The following KIRREL3 variants were observed in gnomAD, a reference collection of about 807,000 sequenced individuals.
The protein encoded by KIRREL3 is kin of IRRE-like protein 3.
In KIRREL3, 36 loss-of-function variants were observed where a neutral mutation model predicts 89.7. The observed-to-expected ratio is 0.40, with a 90% CI of 0.31 to 0.53. KIRREL3 has a LOEUF of 0.53. Ranked by LOEUF, KIRREL3 falls within the 20% of genes least tolerant of loss-of-function variation. The probability of loss-of-function intolerance (pLI) is 0.49; values close to 1 mark genes in which losing one functional copy is unlikely to be tolerated. For synonymous variants in KIRREL3, 445 were observed against 441.4 expected, an observed-to-expected ratio of 1.01 and a Z score of -0.10; for missense variants, 864 against 1,056.6, an observed-to-expected ratio of 0.82 and a Z score of 2.53.
At position 126,643,096 on chromosome 11, in the gene KIRREL3, G is replaced by T. The variant is rs542876287; in HGVS notation, c.56-80184C>A. Among the ~76,000 whole-genome samples, 1 of 152,302 alleles carries T rather than the reference G, an allele frequency of 6.6e-6. No individual in the cohort carries two copies. The highest frequency in any genetic ancestry group is 2.1e-4 in the South Asian group (1 of 4,828). ...GCAGATGTCATGAGCACTGGAATCA[G>T]ATTGGAAAACTGAGTCTGCCACTTA... On this transcript the variant is annotated intron_variant, in intron 1 of 16. Transcript: ENST00000525144. The surrounding 1 kb of genome is among the most constrained non-coding windows in gnomAD (Gnocchi z 4.5).
At chr11:126,800,810 A>G (rs555513037) in intron 1 of KIRREL3, among the ~76,000 whole-genome samples, 12 of 152,150 alleles carry the variant, frequency 7.9e-5, no homozygotes, top group Admixed American at 3.3e-4. Flanking sequence ...GAGTGAGCAA[A>G]CTAGAAGCCC....
chr11:126,888,467 C>T (rs1945784486), intron 1 of KIRREL3, among the ~76,000 whole-genome samples: 1 of 152,196 alleles, frequency 6.6e-6, no homozygotes, highest in South Asian at 2.1e-4. Flanking sequence ...TCTAGGACTT[C>T]TGTCTTGATC....
At chr11:126,982,561 A>G (rs1219780143) in intron 1 of KIRREL3, among the ~76,000 whole-genome samples, 1 of 152,212 alleles carries the variant, frequency 6.6e-6, no homozygotes, top group Non-Finnish European at 1.5e-5. Flanking sequence ...TCTCCTTTGC[A>G]GCAAGACACC....
At chr11:126,801,614 G>T (rs1316373344) in intron 1 of KIRREL3, among the ~76,000 whole-genome samples, 1 of 152,180 alleles carries the variant, frequency 6.6e-6, no homozygotes, top group Non-Finnish European at 1.5e-5. Context: ...CCACTCACCA[G>T]CTGTGGGACC....
intron 1 of KIRREL3, among the ~76,000 whole-genome samples, chr11:126,786,702 G>A (rs1446593546): frequency 6.6e-6 from 1 of 152,222 alleles, no homozygotes; most frequent in Admixed American, 6.5e-5. Flanking sequence ...CCTGCATGCT[G>A]CTCACAGCCT....
chr11:126,884,136 G>A (rs7924535), intron 1 of KIRREL3, among the ~76,000 whole-genome samples: 93,490 of 152,086 alleles, frequency 0.61, 30,222 homozygotes, highest in African/African-American at 0.82. Context: ...CTCTAGTACC[G>A]TGGTTCTCAG....
At position 126,459,571 on chromosome 11, in the gene KIRREL3, T is replaced by C. The variant is rs1203510944; in HGVS notation, c.743-3117A>G. Among the ~76,000 whole-genome samples, 1 of 152,210 alleles carries C rather than the reference T, an allele frequency of 6.6e-6. No individual in the cohort carries two copies. Among genetic ancestry groups the C allele is most frequent in the Non-Finnish European group, 1.5e-5 (1 of 68,042 alleles). On this transcript the variant is annotated intron_variant, in intron 6 of 16. Coordinates refer to ENST00000525144, the MANE Select transcript of KIRREL3 (RefSeq NM_032531.4). This position sits in a 1 kb window ranked among gnomAD's most constrained non-coding sequence, Gnocchi z 4.8. ...CCAGAGGTATAAATAGTTTATGTCATATCCAACTATTAAACATGATTTTAA... is the reference window on the plus strand; with the variant it reads ...CCAGAGGTATAAATAGTTTATGTCACATCCAACTATTAAACATGATTTTAA...
At chr11:126,468,247 G>A (rs1247719159) in intron 5 of KIRREL3, among the ~76,000 whole-genome samples, 5 of 152,220 alleles carry the variant, frequency 3.3e-5, no homozygotes, top group African/African-American at 7.2e-5. Context: ...CCACTCTGGC[G>A]CCAGGCCCTC....
At chr11:126,887,274 A>C (rs1945736414) in intron 1 of KIRREL3, among the ~76,000 whole-genome samples, 2 of 152,174 alleles carry the variant, frequency 1.3e-5, no homozygotes, top group Admixed American at 6.5e-5. Context: ...GCAGCCCGTG[A>C]GTATTAGAGC....
intron 1 of KIRREL3, among the ~76,000 whole-genome samples, chr11:126,619,665 G>A (rs887400890): frequency 6.6e-6 from 1 of 152,212 alleles, no homozygotes; most frequent in Non-Finnish European, 1.5e-5. Flanking sequence ...CATTGGCCAG[G>A]GTGCACTGGT....
intron 1 of KIRREL3, among the ~76,000 whole-genome samples, chr11:126,942,012 T>G (rs986140371): frequency 1.3e-5 from 2 of 152,190 alleles, no homozygotes; most frequent in Admixed American, 6.5e-5. Flanking sequence ...GAACTGGCCT[T>G]TACCAGCTCT....
In KIRREL3 at chr11:126,776,505, GC is replaced by G. The variant is rs912691155; in HGVS notation, c.56-213594del. 2.3e-4 allele frequency among the ~76,000 whole-genome samples: 35 copies of G among 152,322 alleles called. No individual in the cohort carries two copies. Among genetic ancestry groups the G allele is most frequent in the Non-Finnish European group, 5.1e-4 (35 of 68,026 alleles). On this transcript the variant is annotated intron_variant, in intron 1 of 16. Coordinates refer to ENST00000525144, the MANE Select transcript of KIRREL3 (RefSeq NM_032531.4). This position sits in a 1 kb window ranked among gnomAD's most constrained non-coding sequence, Gnocchi z 4.7. ...GATATGGTGCTGCAGGACACTGGCT[GC>G]AGACAGGTCTCTACTAGGTGTCAGA... is the stretch of plus-strand genomic sequence containing the variant.
chr11:126,631,343 CCA>C (rs1944018656), intron 1 of KIRREL3, among the ~76,000 whole-genome samples: 2 of 152,144 alleles, frequency 1.3e-5, no homozygotes, highest in South Asian at 4.1e-4. Flanking sequence ...AATGTCGGAG[CCA>C]GAGTTTGAAG....
rs139421887 is a variant in KIRREL3, at chr11:126,773,675, ATG to A, written c.56-210765_56-210764del. Among the ~76,000 whole-genome samples the A allele has an allele frequency of 8.0e-5, 12 of 150,728 alleles. No homozygotes were observed. Among genetic ancestry groups the A allele is most frequent in the South Asian group, 2.2e-4 (1 of 4,552 alleles). On this transcript the variant is annotated intron_variant, in intron 1 of 16. Coordinates refer to ENST00000525144, the MANE Select transcript of KIRREL3 (RefSeq NM_032531.4). This position sits in a 1 kb window ranked among gnomAD's most constrained non-coding sequence, Gnocchi z 4.2. ...ATAGGAAGAACATCAAGCTGTATGT[ATG>A]TGTGTGTGTGTGTGTTTGTGTGTGT...
intron 1 of KIRREL3, among the ~76,000 whole-genome samples, chr11:126,695,664 G>T (rs1947064597): frequency 6.6e-6 from 1 of 152,124 alleles, no homozygotes; most frequent in African/African-American, 2.4e-5. Context: ...AGGGCCATCT[G>T]CCTGTGTCTG....
chr11:126,536,607 G>A (rs1937900007), intron 2 of KIRREL3, among the ~76,000 whole-genome samples: 1 of 151,112 alleles, frequency 6.6e-6, no homozygotes, highest in African/African-American at 2.4e-5. Context: ...GTGGGATCGG[G>A]GGTGCTGAGT....
chr11:126,775,042 A>AGTT (rs1950131201), intron 1 of KIRREL3, among the ~76,000 whole-genome samples: 1 of 152,134 alleles, frequency 6.6e-6, no homozygotes, highest in Non-Finnish European at 1.5e-5. Flanking sequence ...CCTAATATGC[A>AGTT]ACTGGTAACC....
intron 1 of KIRREL3, among the ~76,000 whole-genome samples, chr11:126,799,478 G>GCA (rs1950962167): frequency 6.8e-6 from 1 of 146,156 alleles, no homozygotes; most frequent in Non-Finnish European, 1.5e-5. Flanking sequence ...GTATCTGTGT[G>GCA]TGTGCATGTG....
intron 5 of KIRREL3, among the ~76,000 whole-genome samples, chr11:126,467,515 A>G (rs1269142429): frequency 1.3e-5 from 2 of 152,114 alleles, no homozygotes; most frequent in Admixed American, 1.3e-4. Flanking sequence ...GGTGCTAAAT[A>G]TGGGGTGCCC....
Sources: gnomAD v4.1 joint callset for allele counts (sites outside exome capture counted in the v4.1 genomes callset) on GRCh38, gnomAD v4.1.1 for gene constraint, Gnocchi (gnomAD v3.1) non-coding constraint, MANE v1.5 for transcripts, NCBI Gene and HGNC (gene_info 2026-07-23, HGNC 2026-07-21) for gene names.